SLC43A2: variants seen among roughly 807,000 people sequenced by gnomAD.
SLC43A2 encodes the protein large neutral amino acids transporter small subunit 4.
In SLC43A2, 38 loss-of-function variants were observed where a neutral mutation model predicts 63.2. The ratio of observed to expected loss-of-function variants is 0.60; its 90% CI spans 0.46 to 0.79. The LOEUF is 0.79. Ranked by LOEUF, SLC43A2 falls within the 30% of genes least tolerant of loss-of-function variation. The pLI is 0.00. For synonymous variants in SLC43A2, 322 were observed against 331.0 expected, an observed-to-expected ratio of 0.97 and a Z score of 0.30; for missense variants, 644 against 756.2, an observed-to-expected ratio of 0.85 and a Z score of 1.74.
Position 1,593,387 on chromosome 17 carries a change from C to A in SLC43A2, c.502-108G>T. 2 of 977,040 alleles carry A rather than the reference C, an allele frequency of 2.0e-6. No homozygotes were observed. Among genetic ancestry groups the A allele is most frequent in the South Asian group, 2.8e-5 (2 of 71,856 alleles). The allele number at this position is 977,040 out of a possible 1,614,324, so 60.5% of individuals were successfully genotyped here. On this transcript the variant is annotated intron_variant, in intron 5 of 13. Transcript: ENST00000301335. The surrounding 1 kb of genome is among the most constrained non-coding windows in gnomAD (Gnocchi z 5.3). The stretch of plus-strand genomic sequence containing the variant: ...ATGAGGCCCCTTCTTCACCTGCGCC[C>A]CTTCCTGTGTGACTCACAGGGGCAT...
At chr17:1,615,462 T>C (rs368343974) in intron 3 of SLC43A2, among the ~76,000 whole-genome samples, 2 of 148,918 alleles carry the variant, frequency 1.3e-5, no homozygotes, top group Non-Finnish European at 3.0e-5. Flanking sequence ...AAGAATGGCA[T>C]AGGGGGCCGG....
Position 1,606,583 on chromosome 17 carries a change from A to G in SLC43A2, c.501+6612T>C, listed in dbSNP as rs1906630863. On this transcript the variant is annotated intron_variant, in intron 5 of 13. Transcript: ENST00000301335. The surrounding 1 kb of genome is among the most constrained non-coding windows in gnomAD (Gnocchi z 4.7). ...AGCTGCTCCCATCTCTAAGCAACCC[A>G]GGCTCCGGGTTGGAGGGTGGCGACC... Among the ~76,000 whole-genome samples the G allele has an allele frequency of 6.6e-6, 1 of 152,180 alleles. No individual in the cohort carries two copies. Among genetic ancestry groups the G allele is most frequent in the African/African-American group, 2.4e-5 (1 of 41,454 alleles).
At chr17:1,580,839 G>A (rs1360045543) in intron 11 of SLC43A2, among the ~76,000 whole-genome samples, 2 of 151,776 alleles carry the variant, frequency 1.3e-5, no homozygotes, top group African/African-American at 4.8e-5. Flanking sequence ...GCAGTGAGCC[G>A]AGATTCTCCC....
chr17:1,583,506 C>CTTGCCACTGAGAAGGG lies in SLC43A2; in HGVS notation c.1218-171_1218-170insCCCTTCTCAGTGGCAA. On this transcript the variant is annotated intron_variant, in intron 10 of 13. Coordinates refer to ENST00000301335, the MANE Select transcript of SLC43A2 (RefSeq NM_152346.3). This position sits in a 1 kb window ranked among gnomAD's most constrained non-coding sequence, Gnocchi z 5.5. ...GGCTGGACCAGCACTACGGACACTC[C>CTTGCCACTGAGAAGGG]CCGGCCCTTCTCAGTGGCAAGCTGA... 6 of 1,173,308 alleles carry CTTGCCACTGAGAAGGG rather than the reference C, an allele frequency of 5.1e-6. No homozygotes were observed. Among genetic ancestry groups the CTTGCCACTGAGAAGGG allele is most frequent in the Non-Finnish European group, 6.9e-6 (6 of 863,446 alleles). 72.7% of individuals were successfully genotyped at this position (1,173,308 alleles called of 1,614,324 possible).
intron 6 of SLC43A2, 22 bp from the exon 7 acceptor site, chr17:1,591,721 G>A (rs1325108884): frequency 1.7e-6 from 2 of 1,169,330 alleles, no homozygotes; most frequent in African/African-American, 1.8e-5. Context: ...CGCGGGGACG[G>A]GGTGGGGGGG....
At chr17:1,616,228 T>G (rs115660325) in intron 3 of SLC43A2, 3,972 of 300,876 alleles carry the variant, frequency 0.013, 147 homozygotes, top group African/African-American at 0.079. Flanking sequence ...GTAACAAGGT[T>G]TGAGGGAAGC....
rs144844603 is a variant in SLC43A2, at chr17:1,575,699, G to C, written c.1615C>G (p.Arg539Gly). ...TGCAGCTGCCGCTCCAGCTGGCGCC[G>C]GTAGCAGATCAGGTAGAGCGGGAGG... Reference protein sequence around the residue: ...FCLPLYLICYRRQLERQLQQR... With the variant: ...FCLPLYLICYGRQLERQLQQR... The change falls in exon 14 of 14, where the codon CGG (arginine) becomes GGG (glycine). Residue 539 changes from arginine (R) to glycine (G), a missense_variant. By Grantham distance (125) the Arg-to-Gly change is moderately radical. Transcript: ENST00000301335. 6.2e-7 allele frequency: 1 copy of C among 1,613,936 alleles called. No individual in the cohort carries two copies. Among genetic ancestry groups the C allele is most frequent in the Non-Finnish European group, 8.5e-7 (1 of 1,180,024 alleles).
intron 11 of SLC43A2, among the ~76,000 whole-genome samples, chr17:1,580,041 C>T (rs1386639616): frequency 6.6e-6 from 1 of 152,064 alleles, no homozygotes; most frequent in Non-Finnish European, 1.5e-5. Flanking sequence ...ATTCTCCTGC[C>T]TCAGCCTCCC....
At chr17:1,582,217 T>C (rs145820066) in intron 11 of SLC43A2, among the ~76,000 whole-genome samples, 3,561 of 152,136 alleles carry the variant, frequency 0.023, 66 homozygotes, top group Middle Eastern at 0.037. Context: ...GTAGCTGGGA[T>C]TACAGGAGTG....
Position 1,578,293 on chromosome 17 carries a change from G to A in SLC43A2, c.1381C>T (p.Arg461Ter). The A allele has an allele frequency of 2.5e-6, 4 of 1,613,966 alleles. No homozygotes were observed. Among genetic ancestry groups the A allele is most frequent in the Non-Finnish European group, 3.4e-6 (4 of 1,179,982 alleles). Residue 461 changes from arginine (R) to a stop codon, truncating the protein, a stop_gained, in exon 12 of 14, where the codon CGA becomes TGA. Coordinates refer to ENST00000301335, the MANE Select transcript of SLC43A2 (RefSeq NM_152346.3). LOFTEE classifies it high-confidence loss of function. This position sits in a 1 kb window ranked among gnomAD's most constrained non-coding sequence, Gnocchi z 6.5. Reference protein sequence around the residue: ...ILSFILHTIVRGFIHSAVGGL... With the variant: ...ILSFILHTIV ...CCGACAGCGGAGTGGATGAATCCTCGCACGATTGTGTGCAGGATGAAGGAG... is the reference window on the plus strand; with the variant it reads ...CCGACAGCGGAGTGGATGAATCCTCACACGATTGTGTGCAGGATGAAGGAG...
At position 1,618,525 on chromosome 17, in the gene SLC43A2, G is replaced by C. The variant is rs567141960; in HGVS notation, c.161-1756C>G. ...ATCAGCTGGCACAGAGCCGGATGCA[G>C]TGGCTGTGGGGAGCACAGTCCCGTC... On this transcript the variant is annotated intron_variant, in intron 2 of 13. Transcript: ENST00000301335. 8.5e-5 allele frequency among the ~76,000 whole-genome samples: 13 copies of C among 152,364 alleles called. No individual in the cohort carries two copies. In the South Asian group the frequency reaches 1.7e-3, roughly 19 times the overall value.
chr17:1,605,001 G>C lies in SLC43A2; in HGVS notation c.501+8194C>G. On this transcript the variant is annotated intron_variant, in intron 5 of 13. Transcript: ENST00000301335. The surrounding 1 kb of genome is among the most constrained non-coding windows in gnomAD (Gnocchi z 4.9). ...GCGGGCCTCGAGGGCTGGCGGAGGG[G>C]AAGGACCCCAGGAGGGGAAGGACCA... 1 of 1,440,624 alleles carries C rather than the reference G, an allele frequency of 6.9e-7. No individual in the cohort carries two copies. Among genetic ancestry groups the C allele is most frequent in the Non-Finnish European group, 9.1e-7 (1 of 1,097,842 alleles). 89.2% of individuals were successfully genotyped at this position (1,440,624 alleles called of 1,614,324 possible).
intron 10 of SLC43A2, among the ~76,000 whole-genome samples, chr17:1,584,057 G>A (rs1402391824): frequency 4.6e-5 from 7 of 151,858 alleles, no homozygotes; most frequent in Non-Finnish European, 1.0e-4. Context: ...CACCTTACCC[G>A]GCTAATTTTT....
chr17:1,597,574 C>T (rs1373179427), intron 5 of SLC43A2, among the ~76,000 whole-genome samples: 10 of 149,692 alleles, frequency 6.7e-5, no homozygotes, highest in Admixed American at 5.3e-4. Flanking sequence ...CCAAGGTGGG[C>T]GGATCACCTG....
chr17:1,575,837 G>A (rs369785748), intron 13 of SLC43A2, 72 bp from the exon 14 acceptor site: 25 of 1,498,502 alleles, frequency 1.7e-5, no homozygotes, highest in African/African-American at 4.2e-5. Flanking sequence ...CCCTCCACTC[G>A]GGTTTGGGAA....
chr17:1,591,915 C>T (rs927809962), intron 6 of SLC43A2, among the ~76,000 whole-genome samples: 3 of 152,180 alleles, frequency 2.0e-5, no homozygotes, highest in Admixed American at 1.3e-4. Flanking sequence ...CTGGGCCTGG[C>T]GTGTGATTAG....
intron 2 of SLC43A2, among the ~76,000 whole-genome samples, chr17:1,619,318 C>T (rs989078476): frequency 3.3e-5 from 5 of 152,016 alleles, no homozygotes; most frequent in East Asian, 1.9e-4. Context: ...CAAAACAGAA[C>T]AAAACAAAAC....
chr17:1,625,517 T>C (rs927738715), intron 2 of SLC43A2, among the ~76,000 whole-genome samples: 1 of 152,196 alleles, frequency 6.6e-6, no homozygotes, highest in Non-Finnish European at 1.5e-5. Context: ...AATTCAGCCA[T>C]GCACCAAGTT....
intron 5 of SLC43A2, among the ~76,000 whole-genome samples, chr17:1,594,104 C>A (rs112521602): frequency 6.6e-6 from 1 of 152,082 alleles, no homozygotes; most frequent in African/African-American, 2.4e-5. Context: ...GGACTACAGG[C>A]GTGAGCCACC....
Sources: gnomAD v4.1 joint callset for allele counts (sites outside exome capture counted in the v4.1 genomes callset) on GRCh38, gnomAD v4.1.1 for gene constraint, Gnocchi (gnomAD v3.1) non-coding constraint, MANE v1.5 for transcripts, NCBI Gene and HGNC (gene_info 2026-07-23, HGNC 2026-07-21) for gene names.